The following NPSR1 variants were observed in gnomAD, a reference collection of about 807,000 sequenced individuals.
NPSR1 encodes neuropeptide S receptor.
Under a neutral mutation model 46.9 loss-of-function variants are expected in NPSR1, and 48 were observed. The ratio of observed to expected loss-of-function variants is 1.02; its 90% CI spans 0.81 to 1.30. NPSR1 has a LOEUF of 1.30. Ranked by LOEUF, NPSR1 falls within the 50% of genes most tolerant of loss-of-function variation. NPSR1 has a pLI of 0.00. For missense variants in NPSR1, 450 were observed against 449.5 expected (o/e 1.00, Z -0.01); for synonymous variants, 176 against 168.1 (o/e 1.05, Z -0.36).
intron 3 of NPSR1, among the ~76,000 whole-genome samples, chr7:34,781,578 C>A (rs569885247): frequency 6.6e-6 from 1 of 152,170 alleles, no homozygotes; most frequent in Non-Finnish European, 1.5e-5. Flanking sequence ...GAGACACTAG[C>A]ATCTTTTCCC....
chr7:34,727,257 G>A (rs781035870), intron 2 of NPSR1, among the ~76,000 whole-genome samples: 8 of 152,074 alleles, frequency 5.3e-5, no homozygotes, highest in Non-Finnish European at 1.0e-4. Flanking sequence ...AGGAGTGGAG[G>A]CTATCTTCAA....
intron 2 of NPSR1, among the ~76,000 whole-genome samples, chr7:34,778,093 G>A (rs892294236): frequency 6.6e-6 from 1 of 152,082 alleles, no homozygotes; most frequent in African/African-American, 2.4e-5. Context: ...CAAAGATAAC[G>A]ATTTTGCTTT....
At chr7:34,818,868 G>T (rs544830166) in intron 4 of NPSR1, among the ~76,000 whole-genome samples, 1 of 152,202 alleles carries the variant, frequency 6.6e-6, no homozygotes, top group Non-Finnish European at 1.5e-5. Flanking sequence ...CTAGCCATAT[G>T]GAGAAAGCTG....
chr7:34,834,583 C>A, intron 6 of NPSR1, 123 bp downstream of exon 6: 1 of 734,140 alleles, frequency 1.4e-6, no homozygotes, highest in Non-Finnish European at 2.4e-6. Flanking sequence ...CAGGACCCAG[C>A]CGGCAGACCA....
chr7:34,711,692 C>T (rs1221884040), intron 2 of NPSR1, among the ~76,000 whole-genome samples: 2 of 152,226 alleles, frequency 1.3e-5, no homozygotes, highest in African/African-American at 2.4e-5. Flanking sequence ...AACACTGAGA[C>T]GATGCACATA....
chr7:34,681,358 C>G (rs1398878133), intron 1 of NPSR1, among the ~76,000 whole-genome samples: 1 of 152,206 alleles, frequency 6.6e-6, no homozygotes, highest in African/African-American at 2.4e-5. Flanking sequence ...AACTTTGCCC[C>G]TTTGACAGTT....
chr7:34,783,972 T>G (rs981075206), intron 3 of NPSR1, among the ~76,000 whole-genome samples: 1 of 152,052 alleles, frequency 6.6e-6, no homozygotes, highest in African/African-American at 2.4e-5. Flanking sequence ...CTGAAAGAGT[T>G]CATCACCACC....
At chr7:34,838,178 T>C (rs1203564069) in intron 6 of NPSR1, among the ~76,000 whole-genome samples, 3 of 152,068 alleles carry the variant, frequency 2.0e-5, no homozygotes, top group African/African-American at 4.8e-5. Flanking sequence ...AAAGTTCCCA[T>C]GTCTCCTGCT....
intron 2 of NPSR1, among the ~76,000 whole-genome samples, chr7:34,735,621 A>T (rs1185435082): frequency 6.6e-6 from 1 of 152,256 alleles, no homozygotes; most frequent in Non-Finnish European, 1.5e-5. Context: ...TATGAAAAGT[A>T]GTGCTTGATT....
At chr7:34,790,974 T>TTATGTGTTATATTATATATCA (rs1562730229) in intron 3 of NPSR1, among the ~76,000 whole-genome samples, 18 of 72,288 alleles carry the variant, frequency 2.5e-4, no homozygotes, top group African/African-American at 7.9e-4. Context: ...ATTATATATG[T>TTATGTGTTATATTATATATCA]TATATGTTAT....
At chr7:34,678,825 C>CAAAAAAAAAAAA (rs61537015) in intron 1 of NPSR1, among the ~76,000 whole-genome samples, 1 of 139,826 alleles carries the variant, frequency 7.2e-6, no homozygotes, top group Non-Finnish European at 1.5e-5. Flanking sequence ...GACTCTGTCT[C>CAAAAAAAAAAAA]AAAAAAAAGA....
At chr7:34,744,950 G>A (rs34978060) in intron 2 of NPSR1, among the ~76,000 whole-genome samples, 2 of 152,044 alleles carry the variant, frequency 1.3e-5, no homozygotes, top group Non-Finnish European at 2.9e-5. Context: ...AAACAATATA[G>A]TATAACAACA....
chr7:34,870,013 G>C (rs1791413113), intron 8 of NPSR1, among the ~76,000 whole-genome samples: 1 of 151,640 alleles, frequency 6.6e-6, no homozygotes, highest in African/African-American at 2.4e-5. Flanking sequence ...TGAACATTTA[G>C]CAGCATACTT....
At chr7:34,728,934 T>C (rs1784290475) in intron 2 of NPSR1, 1 of 152,480 alleles carries the variant, frequency 6.6e-6, no homozygotes, top group African/African-American at 2.4e-5. Flanking sequence ...TAGAGAGAAA[T>C]TTACTCCTCC....
At chr7:34,846,155 T>A (rs998680257) in intron 7 of NPSR1, among the ~76,000 whole-genome samples, 2 of 152,178 alleles carry the variant, frequency 1.3e-5, no homozygotes, top group African/African-American at 4.8e-5. Flanking sequence ...GACTCCTCTG[T>A]CTTCTCAGAT....
intron 2 of NPSR1, among the ~76,000 whole-genome samples, chr7:34,722,227 G>A (rs1447684528): frequency 6.6e-6 from 1 of 152,026 alleles, no homozygotes; most frequent in Non-Finnish European, 1.5e-5. Flanking sequence ...AACAATGATG[G>A]AGTTGCTTAT....
intron 4 of NPSR1, among the ~76,000 whole-genome samples, chr7:34,826,047 T>C (rs1220246651): frequency 6.6e-6 from 1 of 152,214 alleles, no homozygotes; most frequent in Non-Finnish European, 1.5e-5. Context: ...AATTGACCAA[T>C]GTTTACCACT....
intron 1 of NPSR1, among the ~76,000 whole-genome samples, chr7:34,668,909 G>A (rs1042294443): frequency 2.6e-5 from 4 of 152,226 alleles, no homozygotes; most frequent in Admixed American, 6.6e-5. Flanking sequence ...CCTCCTGCTC[G>A]GAAAGGCAGG....
chr7:34,763,953 G>A (rs1188670964), intron 2 of NPSR1, among the ~76,000 whole-genome samples: 1 of 152,114 alleles, frequency 6.6e-6, no homozygotes, highest in African/African-American at 2.4e-5. Flanking sequence ...CTAAGCTCAG[G>A]AGATGCAACT....
Sources: gnomAD v4.1 joint callset for allele counts (sites outside exome capture counted in the v4.1 genomes callset) on GRCh38, gnomAD v4.1.1 for gene constraint, MANE v1.5 for transcripts, NCBI Gene and HGNC (gene_info 2026-07-23, HGNC 2026-07-21) for gene names.